The following SHISA9 variants were observed in gnomAD, a reference collection of about 807,000 sequenced individuals.
SHISA9 encodes shisa family member 9, also known as protein shisa-9.
In SHISA9, 13 loss-of-function variants were observed where a neutral mutation model predicts 38.0. The ratio of observed to expected loss-of-function variants is 0.34; its 90% CI spans 0.22 to 0.54. SHISA9 has a LOEUF of 0.54. Among genes scored for constraint, SHISA9 ranks in the 20% least tolerant of loss-of-function variants. The pLI is 0.91. For missense variants in SHISA9, 538 were observed against 575.8 expected (o/e 0.93, Z 0.67); for synonymous variants, 275 against 242.0 (o/e 1.14, Z -1.27).
chr16:13,389,841 A>G, the SHISA9 span, among the ~76,000 whole-genome samples: 3 of 152,220 alleles, frequency 2.0e-5, no homozygotes, highest in Non-Finnish European at 4.4e-5. Context: ...TCCACTGGCT[A>G]TAATCACTGA....
At chr16:13,195,367 A>C (rs2050927432) in intron 2 of SHISA9, among the ~76,000 whole-genome samples, 1 of 152,264 alleles carries the variant, frequency 6.6e-6, no homozygotes, top group Non-Finnish European at 1.5e-5. Context: ...ATAAAGTGGT[A>C]GTGGATTATA....
At chr16:13,456,318 C>T in the SHISA9 span, among the ~76,000 whole-genome samples, 1 of 152,182 alleles carries the variant, frequency 6.6e-6, no homozygotes, top group Non-Finnish European at 1.5e-5. Flanking sequence ...AGCTAGACCA[C>T]CTCTCCAACT....
chr16:13,527,554 T>G, the SHISA9 span, among the ~76,000 whole-genome samples: 1 of 152,162 alleles, frequency 6.6e-6, no homozygotes, highest in Non-Finnish European at 1.5e-5. Flanking sequence ...GCGTCAGCAG[T>G]CAGTATTTTT....
the SHISA9 span, among the ~76,000 whole-genome samples, chr16:13,430,658 C>A: frequency 6.6e-6 from 1 of 151,736 alleles, no homozygotes; most frequent in Non-Finnish European, 1.5e-5. Context: ...ATAATCTCAG[C>A]ATTTTGAGAG....
chr16:13,289,874 G>A, the SHISA9 span, among the ~76,000 whole-genome samples: 4 of 152,170 alleles, frequency 2.6e-5, no homozygotes, highest in Non-Finnish European at 5.9e-5. Flanking sequence ...TTTGAATTGT[G>A]TTTATACTTT....
chr16:13,346,282 A>G, the SHISA9 span, among the ~76,000 whole-genome samples: 5 of 152,178 alleles, frequency 3.3e-5, no homozygotes, highest in East Asian at 7.7e-4. Flanking sequence ...AGTTACTGCA[A>G]AAGCTTAAAT....
chr16:13,554,838 C>G, the SHISA9 span, among the ~76,000 whole-genome samples: 1 of 152,158 alleles, frequency 6.6e-6, no homozygotes, highest in Non-Finnish European at 1.5e-5. Context: ...AGGACTCCTG[C>G]AAGCTCCTGG....
At chr16:13,501,146 G>A in the SHISA9 span, among the ~76,000 whole-genome samples, 3 of 152,140 alleles carry the variant, frequency 2.0e-5, no homozygotes, top group Non-Finnish European at 2.9e-5. Flanking sequence ...TTGCCTCCCA[G>A]GAAACATTTG....
the SHISA9 span, among the ~76,000 whole-genome samples, chr16:13,436,177 T>C: frequency 6.6e-6 from 1 of 152,280 alleles, no homozygotes; most frequent in Admixed American, 6.5e-5. Context: ...TAGGCATTCT[T>C]AGTCAACAGG....
chr16:13,407,070 C>CAAAAAAAA, the SHISA9 span, among the ~76,000 whole-genome samples: 1 of 45,618 alleles, frequency 2.2e-5, no homozygotes, highest in African/African-American at 8.8e-5. Flanking sequence ...CTCTGTCTCA[C>CAAAAAAAA]AAAAAAAAAA....
intron 2 of SHISA9, among the ~76,000 whole-genome samples, chr16:12,925,845 G>T (rs888665978): frequency 2.6e-5 from 4 of 152,008 alleles, no homozygotes; most frequent in African/African-American, 9.7e-5. Context: ...TAAAACAATT[G>T]CTTTTTTTCT....
intron 2 of SHISA9, among the ~76,000 whole-genome samples, chr16:12,917,436 C>A (rs2071272791): frequency 6.6e-6 from 1 of 151,906 alleles, no homozygotes; most frequent in Non-Finnish European, 1.5e-5. Flanking sequence ...AATTCGTTTC[C>A]ATTGTTCTGC....
chr16:13,196,828 T>G (rs2142046925), intron 2 of SHISA9, among the ~76,000 whole-genome samples: 1 of 152,330 alleles, frequency 6.6e-6, no homozygotes. Context: ...GAGCGGTGGC[T>G]TACGCCTGTA....
chr16:13,262,655 A>AG, the SHISA9 span, among the ~76,000 whole-genome samples: 19 of 73,998 alleles, frequency 2.6e-4, no homozygotes, highest in African/African-American at 7.1e-4. Flanking sequence ...GAAGGAAGGA[A>AG]GGAAGGAAGG....
chr16:12,926,263 G>C (rs1340563090), intron 2 of SHISA9, among the ~76,000 whole-genome samples: 1 of 152,054 alleles, frequency 6.6e-6, no homozygotes, highest in Non-Finnish European at 1.5e-5. Context: ...CGATATACCA[G>C]ATTATGCCTC....
the SHISA9 span, among the ~76,000 whole-genome samples, chr16:13,292,869 C>G: frequency 1.4e-4 from 22 of 152,244 alleles, no homozygotes; most frequent in Middle Eastern, 3.4e-3. Flanking sequence ...CTTCCTTGAT[C>G]CCAGAAGTCA....
At chr16:13,049,153 A>AGTGT (rs1325522183) in intron 2 of SHISA9, among the ~76,000 whole-genome samples, 2 of 138,406 alleles carry the variant, frequency 1.4e-5, no homozygotes, top group East Asian at 2.5e-4. Context: ...TTTGGTTAGG[A>AGTGT]GTATGTGTGT....
chr16:13,420,194 G>T, the SHISA9 span, among the ~76,000 whole-genome samples: 3 of 124,656 alleles, frequency 2.4e-5, no homozygotes, highest in Non-Finnish European at 4.7e-5. Context: ...TGCCCTGAGC[G>T]GAGATCGCAC....
intron 4 of SHISA9, among the ~76,000 whole-genome samples, chr16:13,216,510 CT>C (rs2051170745): frequency 6.6e-6 from 1 of 152,186 alleles, no homozygotes; most frequent in Non-Finnish European, 1.5e-5. Flanking sequence ...GTAATAAAAA[CT>C]GGTGAACTCT....
Sources: gnomAD v4.1 joint callset for allele counts (sites outside exome capture counted in the v4.1 genomes callset) on GRCh38, gnomAD v4.1.1 for gene constraint, MANE v1.5 for transcripts, NCBI Gene and HGNC (gene_info 2026-07-23, HGNC 2026-07-21) for gene names.